The following MS4A8 variants were observed in gnomAD, a reference collection of about 807,000 sequenced individuals.
MS4A8 encodes membrane-spanning 4-domains subfamily A member 8.
Under a neutral mutation model 23.7 loss-of-function variants are expected in MS4A8, and 27 were observed. The ratio of observed to expected loss-of-function variants is 1.14; its 90% CI spans 0.84 to 1.57. The LOEUF is 1.57. Among genes scored for constraint, MS4A8 ranks in the 40% most tolerant of loss-of-function variants. The pLI, the probability that MS4A8 is intolerant of heterozygous loss-of-function variation, is 0.00. For missense variants in MS4A8, 301 were observed against 311.4 expected (o/e 0.97, Z 0.25); for synonymous variants, 138 against 126.3 (o/e 1.09, Z -0.62).
chr11:60,701,024 C>G lies in MS4A8; in HGVS notation c.164C>G (p.Ser55Trp). 6.2e-7 allele frequency: 1 copy of G among 1,614,030 alleles called. No individual in the cohort carries two copies. The highest frequency in any genetic ancestry group is 8.5e-7 in the Non-Finnish European group (1 of 1,180,032). ...LVPGNPPSLV[S>W]NVNGQPVQKA... ...CCTGGGAACCCACCTAGTTTGGTGTCGAATGTGAATGGGCAGCCTGTGCAG... is the reference window on the plus strand; with the variant it reads ...CCTGGGAACCCACCTAGTTTGGTGTGGAATGTGAATGGGCAGCCTGTGCAG... The change falls in exon 2 of 7, where the codon TCG becomes TGG. Residue 55 changes from serine (S) to tryptophan (W), a missense_variant. Transcript: ENST00000300226.
intron 5 of MS4A8, chr11:60,711,939 G>A (rs113930448): frequency 9.2e-4 from 369 of 401,932 alleles, no homozygotes; most frequent in African/African-American, 6.8e-3. Context: ...CTGCATCTGA[G>A]CTTTGCAAAT....
chr11:60,710,581 T>C (rs1024966512), intron 5 of MS4A8, among the ~76,000 whole-genome samples: 3 of 152,126 alleles, frequency 2.0e-5, no homozygotes, highest in African/African-American at 7.2e-5. Flanking sequence ...GCATCTCTCA[T>C]CTAATCATGG....
At chr11:60,711,373 A>G (rs925005333) in intron 5 of MS4A8, among the ~76,000 whole-genome samples, 2 of 152,224 alleles carry the variant, frequency 1.3e-5, no homozygotes, top group Non-Finnish European at 2.9e-5. Flanking sequence ...GCCTCTCCCT[A>G]GAGATCCTAT....
intron 5 of MS4A8, among the ~76,000 whole-genome samples, chr11:60,713,604 A>G (rs1181648457): frequency 6.6e-6 from 1 of 152,180 alleles, no homozygotes; most frequent in African/African-American, 2.4e-5. Context: ...TGGACTTTAC[A>G]CCGAGACATT....
chr11:60,700,454 G>A (rs1222398195), intron 1 of MS4A8, among the ~76,000 whole-genome samples: 1 of 152,158 alleles, frequency 6.6e-6, no homozygotes, highest in Non-Finnish European at 1.5e-5. Context: ...GCTGAGGCAG[G>A]AGAATTGCTT....
chr11:60,713,629 C>T (rs373495679), intron 5 of MS4A8, among the ~76,000 whole-genome samples: 2 of 151,976 alleles, frequency 1.3e-5, no homozygotes, highest in Non-Finnish European at 2.9e-5. Flanking sequence ...TGCCCAGAGA[C>T]GAGCAGGAGA....
intron 2 of MS4A8, among the ~76,000 whole-genome samples, chr11:60,702,524 T>TC (rs1418853667): frequency 6.6e-6 from 1 of 152,238 alleles, no homozygotes; most frequent in African/African-American, 2.4e-5. Context: ...CGCCTCAGCC[T>TC]CCCAAGTAGC....
At chr11:60,706,697 A>G (rs1197002103) in intron 3 of MS4A8, among the ~76,000 whole-genome samples, 1 of 152,194 alleles carries the variant, frequency 6.6e-6, no homozygotes, top group Non-Finnish European at 1.5e-5. Context: ...AGAGCTATAA[A>G]TTTTTCCATT....
intron 2 of MS4A8, among the ~76,000 whole-genome samples, chr11:60,702,853 A>T (rs2088216475): frequency 6.6e-6 from 1 of 152,186 alleles, no homozygotes; most frequent in African/African-American, 2.4e-5. Flanking sequence ...CAACACATGA[A>T]TTTGGAGGAG....
intron 3 of MS4A8, among the ~76,000 whole-genome samples, chr11:60,706,118 A>G (rs141517706): frequency 1.3e-3 from 196 of 152,348 alleles, no homozygotes; most frequent in African/African-American, 4.4e-3. Context: ...TATACTAAAA[A>G]TAATTGCATA....
intron 2 of MS4A8, chr11:60,703,109 G>GTGTCCTCATGGCATTAAATTAATT (rs1170375691): frequency 3.6e-6 from 1 of 274,230 alleles, no homozygotes; most frequent in Non-Finnish European, 6.7e-6. Flanking sequence ...CATTCATGAT[G>GTGTCCTCATGGCATTAAATTAATT]AAATATTAAG....
intron 5 of MS4A8, among the ~76,000 whole-genome samples, chr11:60,710,057 G>T (rs2088287750): frequency 6.6e-6 from 1 of 152,068 alleles, no homozygotes; most frequent in Non-Finnish European, 1.5e-5. Flanking sequence ...TCTTCTCGGA[G>T]GGACTTTGCT....
At chr11:60,701,212 A>G in intron 2 of MS4A8, 133 bp downstream of exon 2, 1 of 823,942 alleles carries the variant, frequency 1.2e-6, no homozygotes, top group South Asian at 1.5e-5. Flanking sequence ...TGCCAAGCAC[A>G]GGTCTATTAG....
Position 60,709,747 on chromosome 11 carries a change from G to A in MS4A8, c.534+966G>A, listed in dbSNP as rs141217909. ...GTTCTCCTCCCCTCTCCCTCATCCC[G>A]TCTCTCCTCTACATCATCAGTCTTT... is the stretch of plus-strand genomic sequence containing the variant. On this transcript the variant is annotated intron_variant, in intron 5 of 6. Transcript: ENST00000300226. 4.4e-3 allele frequency among the ~76,000 whole-genome samples: 670 copies of A among 152,090 alleles called. 6 individuals are homozygous for A. Among genetic ancestry groups the A allele is most frequent in the Non-Finnish European group, 8.0e-3 (544 of 67,980 alleles).
chr11:60,712,325 A>G (rs1311302071), intron 5 of MS4A8: 2 of 985,000 alleles, frequency 2.0e-6, no homozygotes, highest in Non-Finnish European at 2.4e-6. Flanking sequence ...CTGTTTTCCT[A>G]CTAGATTGTG....
chr11:60,715,706 G>T lies in MS4A8; in HGVS notation c.*292G>T. Reference sequence around the variant, plus strand: ...GGCCTTGGCACACACACATTCGTGTGCTCTGCTGCATGTGAGCTTGTGGGT... The same window carrying T: ...GGCCTTGGCACACACACATTCGTGTTCTCTGCTGCATGTGAGCTTGTGGGT... On this transcript the variant is annotated 3_prime_UTR_variant, in exon 7 of 7. Transcript: ENST00000300226. The T allele has an allele frequency of 2.5e-6, 1 of 401,678 alleles. No individual in the cohort carries two copies. The highest frequency in any genetic ancestry group is 4.6e-6 in the Non-Finnish European group (1 of 219,482). The allele number at this position is 401,678 out of a possible 1,614,324, so 24.9% of individuals were successfully genotyped here.
intron 5 of MS4A8, among the ~76,000 whole-genome samples, chr11:60,713,385 G>GCA (rs1304747859): frequency 0.045 from 6,855 of 152,096 alleles, 488 homozygotes; most frequent in African/African-American, 0.16. Context: ...ATTGGGCATG[G>GCA]GTAATAGGAT....
chr11:60,715,282 A>G (rs2088333892), intron 6 of MS4A8, 28 bp from the exon 7 acceptor site: 2 of 1,600,870 alleles, frequency 1.2e-6, no homozygotes, highest in Non-Finnish European at 1.7e-6. Context: ...CCTTCTTAGC[A>G]TGCCCCCTGT....
At chr11:60,709,984 C>T (rs78431028) in intron 5 of MS4A8, among the ~76,000 whole-genome samples, 6,949 of 152,146 alleles carry the variant, frequency 0.046, 503 homozygotes, top group African/African-American at 0.16. Context: ...TCCAATTAGA[C>T]TTTCAGCCTC....
Sources: gnomAD v4.1 joint callset for allele counts (sites outside exome capture counted in the v4.1 genomes callset) on GRCh38, gnomAD v4.1.1 for gene constraint, MANE v1.5 for transcripts, NCBI Gene and HGNC (gene_info 2026-07-23, HGNC 2026-07-21) for gene names.